CR1L: variants seen among roughly 807,000 people sequenced by gnomAD.
CR1L encodes the protein complement component receptor 1-like protein.
In CR1L, 59 loss-of-function variants were observed where a neutral mutation model predicts 62.3. The ratio of observed to expected loss-of-function variants is 0.95; its 90% CI spans 0.77 to 1.18. The LOEUF (loss-of-function observed/expected upper bound fraction) is 1.18, where lower values mean the gene tolerates loss of function less well. Among genes scored for constraint, CR1L ranks in the 50% most tolerant of loss-of-function variants. The pLI, the probability that CR1L is intolerant of heterozygous loss-of-function variation, is 0.00. For missense variants in CR1L, 700 were observed against 702.8 expected (o/e 1.00, Z 0.04); for synonymous variants, 279 against 248.7 (o/e 1.12, Z -1.15).
chr1:207,701,986 G>C lies in CR1L; in HGVS notation c.1328+368G>C, dbSNP rs575953814. ...AAATCTTAATGATAACAGCATGATC[G>C]CTTGCTAGGGCTGCCATCAAAAAGT... On this transcript the variant is annotated intron_variant, in intron 9 of 11. Transcript: ENST00000508064. Among the ~76,000 whole-genome samples the C allele has an allele frequency of 7.2e-5, 11 of 152,294 alleles. No individual in the cohort carries two copies. The East Asian group carries it at 1.9e-3, about 27-fold the overall frequency.
At chr1:207,661,271 G>A (rs1490721741) in intron 1 of CR1L, among the ~76,000 whole-genome samples, 3 of 152,158 alleles carry the variant, frequency 2.0e-5, no homozygotes, top group Non-Finnish European at 4.4e-5. Context: ...ATTATTGTGT[G>A]GGAGTCTAAG....
rs750252874 is a variant in CR1L, at chr1:207,683,822, T to C, written c.378-50T>C. On this transcript the variant is annotated intron_variant, in intron 3 of 11. Transcript: ENST00000508064. ...CTCTGGAAGTAGTAATTTAATTGGG[T>C]AGTTGACCTGTGTATTTAGAATGTA... 15 of 1,521,182 alleles carry C rather than the reference T, an allele frequency of 9.9e-6. No individual in the cohort carries two copies. In the East Asian group the frequency reaches 3.2e-4, roughly 32 times the overall value. 94.2% of individuals were successfully genotyped at this position (1,521,182 alleles called of 1,614,324 possible).
At chr1:207,688,529 G>A (rs1301032296) in intron 4 of CR1L, among the ~76,000 whole-genome samples, 2 of 152,124 alleles carry the variant, frequency 1.3e-5, no homozygotes, top group South Asian at 2.1e-4. Flanking sequence ...TTCTAACTAT[G>A]TGCATCTTCA....
At chr1:207,672,036 A>G (rs774522236) in intron 1 of CR1L, among the ~76,000 whole-genome samples, 3 of 151,144 alleles carry the variant, frequency 2.0e-5, no homozygotes, top group African/African-American at 2.5e-5. Flanking sequence ...TAAACCAACT[A>G]TATCAACCAT....
chr1:207,697,371 C>T (rs1458721222), intron 5 of CR1L, 132 bp from the exon 6 acceptor site: 1 of 1,560,222 alleles, frequency 6.4e-7, no homozygotes, highest in African/African-American at 1.4e-5. Flanking sequence ...AGTTTGTTAT[C>T]AATGTAATAA....
In CR1L at chr1:207,682,960, T is replaced by TTTTCTTTCTTTCTTTCTTTC. The variant is rs141205339; in HGVS notation, c.378-900_378-881dup. 7.0e-3 allele frequency among the ~76,000 whole-genome samples: 982 copies of TTTTCTTTCTTTCTTTCTTTC among 140,124 alleles called. 19 individuals carry two copies. The highest frequency in any genetic ancestry group is 0.025 in the African/African-American group (944 of 38,470). 91.9% of individuals were successfully genotyped at this position (140,124 alleles called of 152,430 possible). A position where few individuals can be genotyped will look rare whatever the true frequency, so the allele number is the denominator to read the frequency against. ...TGCCTTTGGTTCTAGTTATAAATCA[T>TTTTCTTTCTTTCTTTCTTTC]TTTCTTTCTTTCTTTCTTTCTTTCT... On this transcript the variant is annotated intron_variant, in intron 3 of 11. Coordinates refer to ENST00000508064, the MANE Select transcript of CR1L (RefSeq NM_175710.2).
intron 10 of CR1L, among the ~76,000 whole-genome samples, chr1:207,713,680 G>A (rs541041125): frequency 8.2e-4 from 125 of 152,364 alleles, no homozygotes; most frequent in African/African-American, 2.7e-3. Context: ...AGCGGGCTCC[G>A]TGCAAGGCTT....
chr1:207,717,657 C>G lies in CR1L; in HGVS notation c.1608C>G (p.Ser536Arg). Residue 536 changes from serine to arginine, a missense_variant, in exon 11 of 12, where the codon AGC (serine) becomes AGG (arginine). By Grantham distance (110) the Ser-to-Arg change is moderately radical (BLOSUM62 -1). Transcript: ENST00000508064. ...SEPHGNGVWS[S>R]PAPRCELPVG... ...CTCATGGGAATGGGGTTTGGAGCAGCCCTGCCCCTCGCTGTGAACTTCCTG... is the reference window on the plus strand; with the variant it reads ...CTCATGGGAATGGGGTTTGGAGCAGGCCTGCCCCTCGCTGTGAACTTCCTG... 1 of 1,613,990 alleles carries G rather than the reference C, an allele frequency of 6.2e-7. No individual in the cohort carries two copies.
chr1:207,655,139 G>A (rs1164140925), intron 1 of CR1L: 1 of 440,628 alleles, frequency 2.3e-6, no homozygotes, highest in South Asian at 2.4e-5. Flanking sequence ...TCATTATTAT[G>A]TGTCTTATTA....
intron 1 of CR1L, among the ~76,000 whole-genome samples, chr1:207,647,636 G>A (rs1663150455): frequency 6.6e-6 from 1 of 152,140 alleles, no homozygotes; most frequent in Admixed American, 6.6e-5. Context: ...TATACTATTT[G>A]GCTGGGGCTT....
chr1:207,649,788 G>C (rs148506926), intron 1 of CR1L, among the ~76,000 whole-genome samples: 1 of 152,286 alleles, frequency 6.6e-6, no homozygotes, highest in South Asian at 2.1e-4. Flanking sequence ...CCATCGAAAG[G>C]TATCTGTCTT....
chr1:207,652,616 T>C lies in CR1L; in HGVS notation c.97+7286T>C, dbSNP rs191726766. ...GGTAAACCAAAACCCTACTATGAGA[T>C]TGGGGAACAAGTAGATTATAAGTGT... On this transcript the variant is annotated intron_variant, in intron 1 of 11. Coordinates refer to ENST00000508064, the MANE Select transcript of CR1L (RefSeq NM_175710.2). 3.2e-4 allele frequency: 470 copies of C among 1,458,096 alleles called. 6 individuals are homozygous for C. In the Admixed American group the frequency reaches 7.8e-3, roughly 24 times the overall value. The allele number at this position is 1,458,096 out of a possible 1,614,324, so 90.3% of individuals were successfully genotyped here. A position where few individuals can be genotyped will look rare whatever the true frequency, so the allele number is the denominator to read the frequency against.
At position 207,714,061 on chromosome 1, in the gene CR1L, C is replaced by A. The variant is rs565812095; in HGVS notation, c.1415-3403C>A. 2.6e-5 allele frequency among the ~76,000 whole-genome samples: 4 copies of A among 152,330 alleles called. No homozygotes were observed. In the East Asian group the frequency reaches 7.7e-4, roughly 29 times the overall value. On this transcript the variant is annotated intron_variant, in intron 10 of 11. Coordinates refer to ENST00000508064, the MANE Select transcript of CR1L (RefSeq NM_175710.2). The stretch of plus-strand genomic sequence containing the variant: ...TGGTGGGTCCTGAGTTCTTGTCCCG[C>A]ATCCAAGAAGAACAAGCTTATGCTG...
chr1:207,650,957 T>G (rs748511688), intron 1 of CR1L, among the ~76,000 whole-genome samples: 69 of 152,088 alleles, frequency 4.5e-4, no homozygotes, highest in Non-Finnish European at 8.7e-4. Context: ...GGCTAATTTT[T>G]TGTATTTTTA....
intron 1 of CR1L, chr1:207,652,751 T>C (rs2102439980): frequency 2.0e-6 from 1 of 497,102 alleles, no homozygotes; most frequent in Non-Finnish European, 3.5e-6. Context: ...TAAACTAGCC[T>C]TTTTTTTTTG....
At chr1:207,708,137 AG>A (rs777185971) in intron 9 of CR1L, 40 bp from the exon 10 acceptor site, 1 of 1,377,204 alleles carries the variant, frequency 7.3e-7, no homozygotes, top group Non-Finnish European at 9.9e-7. Context: ...GAAGTTGATG[AG>A]GTATGTACAG....
At position 207,665,439 on chromosome 1, in the gene CR1L, C is replaced by G. The variant is rs568270620; in HGVS notation, c.98-11950C>G. On this transcript the variant is annotated intron_variant, in intron 1 of 11. Transcript: ENST00000508064. ...CTAGTTGGAGCCTTGCTCTGTCACC[C>G]AGGCTGGAGTCCAGTGACATGATCT... 2.6e-5 allele frequency among the ~76,000 whole-genome samples: 4 copies of G among 151,948 alleles called. No homozygotes were observed. The South Asian group carries it at 8.3e-4, about 32-fold the overall frequency.
intron 10 of CR1L, among the ~76,000 whole-genome samples, chr1:207,715,672 T>A (rs1653978462): frequency 6.6e-6 from 1 of 152,214 alleles, no homozygotes; most frequent in Non-Finnish European, 1.5e-5. Flanking sequence ...GTCAGTCATT[T>A]ATTTTTAATT....
chr1:207,688,292 G>C (rs1663943798), intron 4 of CR1L, among the ~76,000 whole-genome samples: 1 of 152,034 alleles, frequency 6.6e-6, no homozygotes, highest in Non-Finnish European at 1.5e-5. Flanking sequence ...ATAGGCAATT[G>C]ATCTAATATC....
Sources: gnomAD v4.1 joint callset for allele counts (sites outside exome capture counted in the v4.1 genomes callset) on GRCh38, gnomAD v4.1.1 for gene constraint, MANE v1.5 for transcripts, NCBI Gene and HGNC (gene_info 2026-07-23, HGNC 2026-07-21) for gene names.